CFAP70: variants seen among roughly 807,000 people sequenced by gnomAD.
CFAP70 encodes cilia- and flagella-associated protein 70.
In CFAP70, 81 loss-of-function variants were observed where a neutral mutation model predicts 137.6. The observed-to-expected ratio is 0.59, with a 90% confidence interval of 0.49 to 0.71. CFAP70 has a LOEUF of 0.71. Among genes scored for constraint, CFAP70 ranks in the 30% least tolerant of loss-of-function variants. The pLI, the probability that CFAP70 is intolerant of heterozygous loss-of-function variation, is 0.00. For missense variants in CFAP70, 976 were observed against 1,226.7 expected (o/e 0.80, Z 3.05); for synonymous variants, 382 against 423.6 (o/e 0.90, Z 1.20).
intron 5 of CFAP70, among the ~76,000 whole-genome samples, chr10:73,343,835 C>T (rs2053482145): frequency 6.6e-6 from 1 of 152,016 alleles, no homozygotes. Flanking sequence ...AAAGATTTAA[C>T]TATTAAAAAA....
chr10:73,310,900 C>T (rs894717918), intron 11 of CFAP70, among the ~76,000 whole-genome samples: 2 of 152,134 alleles, frequency 1.3e-5, no homozygotes, highest in Non-Finnish European at 2.9e-5. Context: ...TTTACTACAA[C>T]CCCTGTCCTA....
At chr10:73,339,766 G>A (rs2053075972) in intron 6 of CFAP70, among the ~76,000 whole-genome samples, 1 of 152,226 alleles carries the variant, frequency 6.6e-6, no homozygotes, top group South Asian at 2.1e-4. Flanking sequence ...CGGCACCAGG[G>A]AATGTGGTGG....
At chr10:73,335,568 C>T in intron 6 of CFAP70, 44 bp from the exon 8 acceptor site, 2 of 1,404,150 alleles carry the variant, frequency 1.4e-6, no homozygotes, top group Non-Finnish European at 2.0e-6. Context: ...TGTGCCATGA[C>T]TTCATTCTGC....
At chr10:73,286,887 G>A (rs2047759317) in intron 19 of CFAP70, among the ~76,000 whole-genome samples, 1 of 152,196 alleles carries the variant, frequency 6.6e-6, no homozygotes, top group East Asian at 1.9e-4. Flanking sequence ...CAAAGGGATG[G>A]GCTCTGGCTA....
At position 73,291,427 on chromosome 10, in the gene CFAP70, G is replaced by A. The variant is rs1009216523; in HGVS notation, c.2038C>T (p.Gln680Ter). The A allele has an allele frequency of 6.2e-7, 1 of 1,613,908 alleles. No individual in the cohort carries two copies. Among genetic ancestry groups the A allele is most frequent in the African/African-American group, 1.3e-5 (1 of 74,882 alleles). ...ATTTCCATTCGAATATCATTGTTTT[G>A]AATTTCATAGTACAAACCTGGGGAA... Residue 680 changes from glutamine to a stop codon, truncating the protein, a stop_gained, in exon 19 of 27, where the codon CAA becomes TAA. Transcript: ENST00000310715. LOFTEE classifies it high-confidence loss of function.
At chr10:73,310,338 AGT>A in intron 11 of CFAP70, 89 bp from the exon 13 acceptor site, 1 of 833,592 alleles carries the variant, frequency 1.2e-6, no homozygotes, top group South Asian at 1.7e-5. Context: ...CAATATAATA[AGT>A]GAGAAAACTG....
intron 26 of CFAP70, among the ~76,000 whole-genome samples, chr10:73,255,869 A>T (rs1212422964): frequency 6.6e-6 from 1 of 152,036 alleles, no homozygotes; most frequent in Non-Finnish European, 1.5e-5. Context: ...TGTAAGTAAA[A>T]TTGTATTGGA....
rs1190444435 is a variant in CFAP70, at chr10:73,275,572, C to T, written c.2547G>A (p.Glu849=). ...TGGGGCCTCCTTGAGGGCATAACAG[C>T]TCATGTGCAAGCACTCTGTGCACAT... The change falls in exon 22 of 27, where the codon GAG becomes GAA. Residue 849 remains glutamate (E), a synonymous_variant. Coordinates refer to ENST00000310715, the Ensembl canonical transcript of CFAP70. The surrounding 1 kb of genome is among the most constrained non-coding windows in gnomAD (Gnocchi z 4.0). 1 of 1,606,944 alleles carries T rather than the reference C, an allele frequency of 6.2e-7. No individual in the cohort carries two copies. Among genetic ancestry groups the T allele is most frequent in the African/African-American group, 1.3e-5 (1 of 74,462 alleles).
chr10:73,291,135 C>T (rs2048147846), intron 19 of CFAP70, 91 bp downstream of exon 20: 1 of 1,144,796 alleles, frequency 8.7e-7, no homozygotes, highest in Non-Finnish European at 1.3e-6. Flanking sequence ...CCATCTCAGC[C>T]TCCCAGGTTG....
intron 25 of CFAP70, among the ~76,000 whole-genome samples, chr10:73,258,869 C>G (rs2044820324): frequency 6.6e-6 from 1 of 152,158 alleles, no homozygotes; most frequent in African/African-American, 2.4e-5. Context: ...AAATTTTAGT[C>G]AGACCAGTTG....
At chr10:73,265,169 C>T (rs758126907) in intron 25 of CFAP70, among the ~76,000 whole-genome samples, 1 of 152,016 alleles carries the variant, frequency 6.6e-6, no homozygotes, top group Non-Finnish European at 1.5e-5. Context: ...ACTAAAAATA[C>T]AAAAAATTAG....
At chr10:73,351,071 GTATATATATATATATATATATATA>G (rs1158760266) in intron 3 of CFAP70, among the ~76,000 whole-genome samples, 29 of 31,392 alleles carry the variant, frequency 9.2e-4, no homozygotes, top group Middle Eastern at 0.053. Context: ...GTGTGTGTGT[GTATATATATATATATATATATATA>G]TATATATATA....
intron 3 of CFAP70, among the ~76,000 whole-genome samples, chr10:73,350,941 ATG>A (rs1035891704): frequency 4.3e-4 from 62 of 145,434 alleles, no homozygotes; most frequent in African/African-American, 1.2e-3. Context: ...GTGTGTATAT[ATG>A]TGTGTGTGTG....
upstream of CFAP70, among the ~76,000 whole-genome samples, chr10:73,359,469 AG>A (rs1308890769): frequency 1.5e-4 from 23 of 152,200 alleles, no homozygotes; most frequent in Admixed American, 1.3e-4. Flanking sequence ...GCCAGCTTGA[AG>A]GGACTCCCAT....
chr10:73,289,818 G>C (rs1266555958), intron 19 of CFAP70, among the ~76,000 whole-genome samples: 1 of 152,028 alleles, frequency 6.6e-6, no homozygotes. Context: ...GGCCGAGGCA[G>C]GCAGATTGCC....
intron 15 of CFAP70, chr10:73,295,908 G>C (rs1280505055): frequency 6.6e-6 from 1 of 152,130 alleles, no homozygotes. Context: ...AACCCCACTA[G>C]AGCCTATGTT....
At chr10:73,322,889 T>C (rs962523715) in intron 9 of CFAP70, 74 bp downstream of exon 10, 4 of 1,327,388 alleles carry the variant, frequency 3.0e-6, no homozygotes, top group Non-Finnish European at 4.1e-6. Context: ...CAAAGATGTA[T>C]ATGCTAAAGA....
chr10:73,340,698 CA>C (rs1010208124), intron 6 of CFAP70, among the ~76,000 whole-genome samples: 76 of 152,324 alleles, frequency 5.0e-4, no homozygotes, highest in African/African-American at 1.7e-3. Flanking sequence ...ATCAAGGTGG[CA>C]GGGGGTTGGT....
intron 8 of CFAP70, among the ~76,000 whole-genome samples, chr10:73,324,314 T>A (rs887383708): frequency 6.6e-6 from 1 of 152,122 alleles, no homozygotes; most frequent in African/African-American, 2.4e-5. Context: ...AGAAAGGACA[T>A]CCACACCAGA....
Sources: gnomAD v4.1 joint callset for allele counts (sites outside exome capture counted in the v4.1 genomes callset) on GRCh38, gnomAD v4.1.1 for gene constraint, Gnocchi (gnomAD v3.1) non-coding constraint, MANE v1.5 for transcripts, NCBI Gene and HGNC (gene_info 2026-07-23, HGNC 2026-07-21) for gene names.